Variants in TTC9 observed in about 807,000 individuals in gnomAD.
TTC9 encodes tetratricopeptide repeat protein 9A.
TTC9 carries 13 observed loss-of-function variants against 22.9 expected under a neutral mutation model. The ratio of observed to expected loss-of-function variants is 0.57; its 90% confidence interval spans 0.37 to 0.90. The LOEUF (loss-of-function observed/expected upper bound fraction) is 0.90. TTC9 is among the 40% of genes least tolerant of loss of function. The pLI, the probability that TTC9 is intolerant of heterozygous loss-of-function variation, is 0.01. For missense variants in TTC9, 280 were observed against 291.8 expected (o/e 0.96, Z 0.29); for synonymous variants, 148 against 133.2 (o/e 1.11, Z -0.77).
At chr14:70,653,602 G>C (rs1174075305) in intron 1 of TTC9, among the ~76,000 whole-genome samples, 1 of 152,160 alleles carries the variant, frequency 6.6e-6, no homozygotes, top group Non-Finnish European at 1.5e-5. Flanking sequence ...GAAACTGTGG[G>C]TTCTAGGCAC....
At chr14:70,642,618 G>C in intron 1 of TTC9, 83 bp downstream of exon 1, 2 of 1,324,960 alleles carry the variant, frequency 1.5e-6, no homozygotes, top group Non-Finnish European at 2.0e-6. Flanking sequence ...CTCCCGCGGT[G>C]CAGATTCTCC....
chr14:70,662,175 G>A (rs1304067485), intron 1 of TTC9, among the ~76,000 whole-genome samples: 1 of 152,140 alleles, frequency 6.6e-6, no homozygotes, highest in Non-Finnish European at 1.5e-5. Flanking sequence ...CCTTTGCCAT[G>A]CATCTTCCAC....
At chr14:70,664,551 C>T (rs1886186209) in intron 1 of TTC9, among the ~76,000 whole-genome samples, 2 of 152,024 alleles carry the variant, frequency 1.3e-5, no homozygotes, top group African/African-American at 2.4e-5. Context: ...TATGGTGAAA[C>T]CCCGTCTCTA....
intron 2 of TTC9, 77 bp from the exon 3 acceptor site, chr14:70,670,999 C>A: frequency 1.4e-6 from 2 of 1,420,158 alleles, no homozygotes; most frequent in Non-Finnish European, 2.0e-6. Context: ...TCTGCAGACA[C>A]AGCCTTTGCT....
intron 1 of TTC9, 131 bp downstream of exon 1, chr14:70,642,666 G>A (rs1411767302): frequency 2.4e-6 from 2 of 846,520 alleles, no homozygotes; most frequent in African/African-American, 1.8e-5. Flanking sequence ...ACCCGGGAGG[G>A]AGGCGCTTTG....
chr14:70,657,459 A>G (rs1886083878), intron 1 of TTC9, among the ~76,000 whole-genome samples: 2 of 152,252 alleles, frequency 1.3e-5, no homozygotes, highest in Non-Finnish European at 2.9e-5. Context: ...AAAGAAAACA[A>G]AAGACACACT....
At chr14:70,650,109 G>A (rs1167228336) in intron 1 of TTC9, among the ~76,000 whole-genome samples, 1 of 152,160 alleles carries the variant, frequency 6.6e-6, no homozygotes, top group Admixed American at 6.5e-5. Flanking sequence ...AATGTGAAGA[G>A]TAGGAGTTCA....
At chr14:70,667,819 T>C in intron 2 of TTC9, 73 bp downstream of exon 2, 1 of 1,476,424 alleles carries the variant, frequency 6.8e-7, no homozygotes, top group Non-Finnish European at 9.1e-7. Context: ...ATTTCAGCAG[T>C]TTTCTTGGCT....
At chr14:70,646,246 A>G (rs985696713) in intron 1 of TTC9, among the ~76,000 whole-genome samples, 2 of 152,202 alleles carry the variant, frequency 1.3e-5, no homozygotes, top group Admixed American at 6.5e-5. Flanking sequence ...TTCTGTTTCT[A>G]CGGAATTTTG....
At chr14:70,644,879 G>A (rs1324805079) in intron 1 of TTC9, among the ~76,000 whole-genome samples, 1 of 152,080 alleles carries the variant, frequency 6.6e-6, no homozygotes, top group Non-Finnish European at 1.5e-5. Context: ...TTGGGAGGCC[G>A]AGGCGGGCGG....
chr14:70,674,428 G>A lies in TTC9; in HGVS notation c.*3273G>A, dbSNP rs1386096160. 6.6e-6 allele frequency: 1 copy of A among 152,126 alleles called. No homozygotes were observed. Among genetic ancestry groups the A allele is most frequent in the African/African-American group, 2.4e-5 (1 of 41,426 alleles). 9.4% of individuals were successfully genotyped at this position (152,126 alleles called of 1,614,324 possible). On this transcript the variant is annotated 3_prime_UTR_variant, in exon 3 of 3. Coordinates refer to ENST00000256367, the MANE Select transcript of TTC9 (RefSeq NM_015351.2). ...GTGTAAATGTACACACGCACACACAGTTGTGGATTTTTTTAAACAAAAACT... is the reference window on the plus strand; with the variant it reads ...GTGTAAATGTACACACGCACACACAATTGTGGATTTTTTTAAACAAAAACT...
chr14:70,670,326 G>T (rs984529395), intron 2 of TTC9, among the ~76,000 whole-genome samples: 1 of 152,210 alleles, frequency 6.6e-6, no homozygotes, highest in African/African-American at 2.4e-5. Flanking sequence ...AGATCATGAA[G>T]GTTAGAAACC....
intron 2 of TTC9, 100 bp downstream of exon 2, chr14:70,667,846 G>C: frequency 8.3e-7 from 1 of 1,199,668 alleles, no homozygotes. Flanking sequence ...GCCAGGCAGG[G>C]ACAGAGATGG....
At chr14:70,669,354 AC>A (rs1248262212) in intron 2 of TTC9, among the ~76,000 whole-genome samples, 2 of 152,168 alleles carry the variant, frequency 1.3e-5, no homozygotes, top group African/African-American at 4.8e-5. Context: ...ATCTCAGCTC[AC>A]TACGACTTCC....
At chr14:70,648,288 A>G (rs938213607) in intron 1 of TTC9, among the ~76,000 whole-genome samples, 9 of 152,216 alleles carry the variant, frequency 5.9e-5, no homozygotes, top group Non-Finnish European at 1.0e-4. Flanking sequence ...TCTTCCAAGG[A>G]AGAAAGTGAG....
At chr14:70,646,445 G>A (rs1275647202) in intron 1 of TTC9, among the ~76,000 whole-genome samples, 1 of 152,184 alleles carries the variant, frequency 6.6e-6, no homozygotes, top group Non-Finnish European at 1.5e-5. Context: ...GAAGGGCAGA[G>A]TCTTTTGCCC....
chr14:70,655,424 G>C (rs1886050528), intron 1 of TTC9, among the ~76,000 whole-genome samples: 1 of 150,084 alleles, frequency 6.7e-6, no homozygotes, highest in Non-Finnish European at 1.5e-5. Flanking sequence ...AAAAAACAAA[G>C]AAGAAGGTAA....
chr14:70,643,221 C>G (rs1055320421), intron 1 of TTC9, among the ~76,000 whole-genome samples: 3 of 152,212 alleles, frequency 2.0e-5, no homozygotes, highest in African/African-American at 7.2e-5. Flanking sequence ...CTGCCCGTTT[C>G]TCACTATGTG....
rs557487396 is a variant in TTC9 at position 70,642,168 on chromosome 14, C to T, written c.39C>T (p.Asn13=). The change falls in exon 1 of 3, where the codon AAC becomes AAT. Residue 13 remains asparagine (N), a synonymous_variant. Transcript: ENST00000256367. ...RKGSAAGAKG[N]PSPPAAGEGQ... Reference sequence around the variant, plus strand: ...GCTCGGCGGCCGGGGCCAAGGGGAACCCGAGCCCGCCCGCGGCCGGAGAGG... The same window carrying T: ...GCTCGGCGGCCGGGGCCAAGGGGAATCCGAGCCCGCCCGCGGCCGGAGAGG... 51 of 1,196,806 alleles carry T rather than the reference C, an allele frequency of 4.3e-5. No homozygotes were observed. The African/African-American group carries it at 7.0e-4, about 16-fold the overall frequency. The allele number at this position is 1,196,806 out of a possible 1,614,324, so 74.1% of individuals were successfully genotyped here. A position where few individuals can be genotyped will look rare whatever the true frequency, so the allele number is the denominator to read the frequency against.
Sources: allele counts gnomAD v4.1 joint callset (sites outside exome capture counted in the v4.1 genomes callset), GRCh38; gene constraint gnomAD v4.1.1; transcripts MANE v1.5; gene names NCBI Gene and HGNC (gene_info 2026-07-23, HGNC 2026-07-21).